The following VEZT variants were observed in gnomAD, a reference collection of about 807,000 sequenced individuals.
VEZT encodes vezatin.
A neutral mutation model predicts 79.9 loss-of-function variants in VEZT; 39 were observed. The ratio of observed to expected loss-of-function variants is 0.49; its 90% CI spans 0.38 to 0.64. The LOEUF is 0.64. Ranked by LOEUF, VEZT falls within the 30% of genes least tolerant of loss-of-function variation. The pLI, the probability that VEZT is intolerant of heterozygous loss-of-function variation, is 0.00. For missense variants in VEZT, 837 were observed against 893.1 expected, an observed-to-expected ratio of 0.94 and a Z score of 0.80; for synonymous variants, 325 against 327.6, an observed-to-expected ratio of 0.99 and a Z score of 0.09.
At chr12:95,259,191 G>GTTTTT (rs71078691) in intron 3 of VEZT, among the ~76,000 whole-genome samples, 16,589 of 147,446 alleles carry the variant, frequency 0.11, 1,051 homozygotes, top group East Asian at 0.15. Flanking sequence ...AATACTTTCT[G>GTTTTT]TTTTTTTTTT....
intron 4 of VEZT, 139 bp downstream of exon 4, chr12:95,263,220 G>C: frequency 1.2e-6 from 1 of 839,134 alleles, no homozygotes; most frequent in African/African-American, 1.7e-5. Flanking sequence ...AATATGGGGG[G>C]AAAAAGTGCC....
At chr12:95,269,781 C>T in intron 5 of VEZT, 1 of 276,526 alleles carries the variant, frequency 3.6e-6, no homozygotes, top group Non-Finnish European at 6.6e-6. Flanking sequence ...TCCATTGTTT[C>T]CCCACATCAG....
chr12:95,238,688 G>A (rs757202746), intron 1 of VEZT, among the ~76,000 whole-genome samples: 3 of 152,044 alleles, frequency 2.0e-5, no homozygotes, highest in South Asian at 2.1e-4. Flanking sequence ...TTGTTGCTAC[G>A]CCACTGTTTC....
In VEZT at chr12:95,294,261, G is replaced by T; in HGVS notation, c.1523-11G>T. 3.8e-6 allele frequency: 6 copies of T among 1,569,688 alleles called. No individual in the cohort carries two copies. The highest frequency in any genetic ancestry group is 5.2e-6 in the Non-Finnish European group (6 of 1,156,164). On this transcript the variant is annotated splice_polypyrimidine_tract_variant and intron_variant, in intron 9 of 11. Coordinates refer to ENST00000436874, the MANE Select transcript of VEZT (RefSeq NM_017599.4). ...CTTATCTTTATTCCCATCTATTCCC[G>T]TTTTTTAAAGGCAAGCCTGAAATAG...
intron 7 of VEZT, among the ~76,000 whole-genome samples, chr12:95,281,939 A>T (rs556272769): frequency 9.6e-4 from 146 of 151,352 alleles, no homozygotes; most frequent in Middle Eastern, 6.8e-3. Context: ...GAGAGAAAAA[A>T]ATATATATAT....
intron 6 of VEZT, among the ~76,000 whole-genome samples, chr12:95,272,233 AG>A (rs5800197): frequency 0.48 from 73,035 of 151,136 alleles, 17,917 homozygotes; most frequent in African/African-American, 0.57. Context: ...GTTACTATGA[AG>A]GAAAAAAAAA....
intron 7 of VEZT, among the ~76,000 whole-genome samples, chr12:95,280,598 C>CT (rs2068843946): frequency 6.6e-6 from 1 of 151,812 alleles, no homozygotes; most frequent in Non-Finnish European, 1.5e-5. Flanking sequence ...CCAAGAAACA[C>CT]TATCTTTCTT....
intron 1 of VEZT, among the ~76,000 whole-genome samples, chr12:95,245,900 T>C (rs10859858): frequency 0.4 from 60,923 of 152,020 alleles, 12,635 homozygotes; most frequent in African/African-American, 0.5. Context: ...GATTGCTTGA[T>C]CTCCAGAGGT....
intron 1 of VEZT, among the ~76,000 whole-genome samples, chr12:95,228,204 G>C (rs2058761272): frequency 1.3e-5 from 2 of 152,158 alleles, no homozygotes; most frequent in Admixed American, 6.5e-5. Context: ...TCAGTTAAAT[G>C]AAAGGAAATG....
Position 95,288,372 on chromosome 12 carries a change from A to G in VEZT, c.1522+515A>G, listed in dbSNP as rs553477797. The stretch of plus-strand genomic sequence containing the variant: ...GATTGCTTTGTGCTACTAGGTAAAA[A>G]AATATATATATAGTCTTGAGATTTT... On this transcript the variant is annotated intron_variant, in intron 9 of 11. Transcript: ENST00000436874. Among the ~76,000 whole-genome samples, 20 of 152,310 alleles carry G rather than the reference A, an allele frequency of 1.3e-4. No individual in the cohort carries two copies. In the East Asian group the frequency reaches 1.7e-3, roughly 13 times the overall value.
intron 1 of VEZT, among the ~76,000 whole-genome samples, chr12:95,229,380 A>G (rs2058932608): frequency 6.6e-6 from 1 of 152,170 alleles, no homozygotes; most frequent in South Asian, 2.1e-4. Flanking sequence ...ATTTTTTTAA[A>G]AGCATTGTGG....
At chr12:95,258,377 A>G (rs1168889636) in intron 3 of VEZT, 5 of 427,404 alleles carry the variant, frequency 1.2e-5, no homozygotes, top group Non-Finnish European at 2.4e-5. Flanking sequence ...CACTGGCCAC[A>G]TGTTTCATGT....
chr12:95,251,392 T>G (rs751731810), intron 1 of VEZT, among the ~76,000 whole-genome samples: 1 of 152,222 alleles, frequency 6.6e-6, no homozygotes, highest in Non-Finnish European at 1.5e-5. Context: ...ATGTAAGATA[T>G]AGCTTATCTA....
intron 7 of VEZT, among the ~76,000 whole-genome samples, chr12:95,278,648 C>T (rs1303493220): frequency 1.3e-5 from 2 of 152,170 alleles, no homozygotes; most frequent in East Asian, 3.8e-4. Context: ...TTTTATTGTT[C>T]CCGTATCTTC....
rs530025565 is a variant in VEZT at position 95,243,950 on chromosome 12, C to T, written c.37-7990C>T. 1,557 of 456,050 alleles carry T rather than the reference C, an allele frequency of 3.4e-3. 9 individuals are homozygous for T. The highest frequency in any genetic ancestry group is 5.7e-3 in the Non-Finnish European group (1,291 of 226,786). 28.3% of individuals were successfully genotyped at this position (456,050 alleles called of 1,614,324 possible). A position where few individuals can be genotyped will look rare whatever the true frequency, so the allele number is the denominator to read the frequency against. On this transcript the variant is annotated intron_variant, in intron 1 of 11. Transcript: ENST00000436874. Reference sequence around the variant, plus strand: ...ACCATATTATATCTAGGCAGCAGAGCCCTTGCTAGAAGCCAGTGGCATGCT... The same window carrying T: ...ACCATATTATATCTAGGCAGCAGAGTCCTTGCTAGAAGCCAGTGGCATGCT...
At chr12:95,253,172 CAT>C (rs1225532066) in intron 2 of VEZT, among the ~76,000 whole-genome samples, 1 of 152,146 alleles carries the variant, frequency 6.6e-6, no homozygotes, top group Admixed American at 6.5e-5. Flanking sequence ...ATAGAAAAAA[CAT>C]AACCAAATTT....
Position 95,302,114 on chromosome 12 carries a change from T to C in VEZT, c.*1441T>C, listed in dbSNP as rs750583601. ...AAAAATCTTTGTGTGTTATAACTGT[T>C]AAATTATTCAATAATACTTAGGGTT... On this transcript the variant is annotated 3_prime_UTR_variant, in exon 12 of 12. Transcript: ENST00000436874. 45 of 152,204 alleles carry C rather than the reference T, an allele frequency of 3.0e-4. No individual in the cohort carries two copies. Among genetic ancestry groups the C allele is most frequent in the Non-Finnish European group, 5.6e-4 (38 of 68,020 alleles). 9.4% of individuals were successfully genotyped at this position (152,204 alleles called of 1,614,324 possible). A position where few individuals can be genotyped will look rare whatever the true frequency, so the allele number is the denominator to read the frequency against.
intron 1 of VEZT, among the ~76,000 whole-genome samples, chr12:95,239,995 G>GGAGAGAGAGAGAA (rs2060725457): frequency 5.6e-5 from 8 of 141,686 alleles, no homozygotes; most frequent in African/African-American, 1.6e-4. Flanking sequence ...GAGAGAGAGA[G>GGAGAGAGAGAGAA]GAGACAGAGA....
chr12:95,291,749 G>C (rs1005380694), intron 9 of VEZT, among the ~76,000 whole-genome samples: 6 of 152,180 alleles, frequency 3.9e-5, no homozygotes, highest in Admixed American at 2.6e-4. Flanking sequence ...CTGCAAGCAT[G>C]TAATTAAAAA....
Sources: gnomAD v4.1 joint callset for allele counts (sites outside exome capture counted in the v4.1 genomes callset) on GRCh38, gnomAD v4.1.1 for gene constraint, MANE v1.5 for transcripts, NCBI Gene and HGNC (gene_info 2026-07-23, HGNC 2026-07-21) for gene names.